The following PLEKHG5 variants were observed in gnomAD, a reference collection of about 807,000 sequenced individuals.
PLEKHG5 encodes pleckstrin homology and RhoGEF domain containing G5.
PLEKHG5 carries 52 observed loss-of-function variants against 103.8 expected under a neutral mutation model. The ratio of observed to expected loss-of-function variants is 0.50; its 90% CI spans 0.40 to 0.63. The LOEUF (loss-of-function observed/expected upper bound fraction) is 0.63. Ranked by LOEUF, PLEKHG5 falls within the 30% of genes least tolerant of loss-of-function variation. PLEKHG5 has a pLI of 0.00. For missense variants in PLEKHG5, 1,205 were observed against 1,347.6 expected (o/e 0.89, Z 1.66); for synonymous variants, 592 against 575.5 (o/e 1.03, Z -0.41).
At chr1:6,470,946 G>T in intron 13 of PLEKHG5, 44 bp downstream of exon 13, 1 of 1,553,416 alleles carries the variant, frequency 6.4e-7, no homozygotes. Context: ...CCCGTCCAGG[G>T]TCCCGTCCTC....
intron 1 of PLEKHG5, chr1:6,519,416 T>C (rs1449633045): frequency 6.3e-7 from 1 of 1,579,980 alleles, no homozygotes. Context: ...ACCTCCTTTC[T>C]AGACAAAAGA....
At chr1:6,471,381 G>T in intron 12 of PLEKHG5, 107 bp downstream of exon 12, 1 of 1,302,154 alleles carries the variant, frequency 7.7e-7, no homozygotes, top group Non-Finnish European at 1.1e-6. Context: ...GCGGTTACGG[G>T]CCTGGGGGAG....
rs1170932691 is a variant in PLEKHG5 at position 6,486,266 on chromosome 1, T to A, written c.-88+5371A>T. Among the ~76,000 whole-genome samples the A allele has an allele frequency of 6.6e-6, 1 of 152,052 alleles. No individual in the cohort carries two copies. The highest frequency in any genetic ancestry group is 1.5e-5 in the Non-Finnish European group (1 of 67,974). On this transcript the variant is annotated intron_variant, in intron 1 of 20. Transcript: ENST00000377728. This position sits in a 1 kb window ranked among gnomAD's most constrained non-coding sequence, Gnocchi z 5.3. ...TGGGGCACACTCCCCTCAGGGTCCT[T>A]GGTCCGGCTCTCCATCTAGCCCCAG... is the stretch of plus-strand genomic sequence containing the variant.
Position 6,469,560 on chromosome 1 carries a change from C to A in PLEKHG5, c.1917G>T (p.Arg639=), listed in dbSNP as rs1214844188. The A allele has an allele frequency of 6.2e-7, 1 of 1,613,856 alleles. No homozygotes were observed. Among genetic ancestry groups the A allele is most frequent in the Non-Finnish European group, 8.5e-7 (1 of 1,180,050 alleles). The part of the protein sequence containing the change: ...PPLLVDKIVC[R]ELRDPGSFLL... ...GCTCCTTACCAGGGTCCCGTAGCTCCCGGCACACAATCTTGTCCACGAGCA... is the reference window on the plus strand; with the variant it reads ...GCTCCTTACCAGGGTCCCGTAGCTCACGGCACACAATCTTGTCCACGAGCA... Residue 639 remains arginine, a synonymous_variant, in exon 17 of 21, where the codon CGG becomes CGT. Coordinates refer to ENST00000377728, the MANE Select transcript of PLEKHG5 (RefSeq NM_020631.6).
At chr1:6,491,822 C>T (rs1645154909), upstream of PLEKHG5, 1 of 281,476 alleles carries the variant, frequency 3.6e-6, no homozygotes, top group African/African-American at 2.3e-5. This position sits in a 1 kb window ranked among gnomAD's most constrained non-coding sequence, Gnocchi z 4.1. Flanking sequence ...CTGCAATCCC[C>T]TCTACGCTTC....
At chr1:6,474,772 C>G (rs1644710158) in intron 5 of PLEKHG5, 185 bp from the exon 6 acceptor site, 1 of 685,256 alleles carries the variant, frequency 1.5e-6, no homozygotes, top group Non-Finnish European at 2.6e-6. Context: ...GGTGCTCACA[C>G]AGGCGCATCT....
chr1:6,468,475 G>A lies in PLEKHG5; in HGVS notation c.2361C>T (p.Thr787=), dbSNP rs201054338. 4.0e-5 allele frequency: 64 copies of A among 1,613,054 alleles called. No individual in the cohort carries two copies. The highest frequency in any genetic ancestry group is 5.1e-5 in the Non-Finnish European group (60 of 1,179,938). The change falls in exon 20 of 21, where the codon ACC becomes ACT. Residue 787 remains threonine (T), a synonymous_variant. Transcript: ENST00000377728. ...SGPFSSQSDE[T]SLSTTASSAT... Reference sequence around the variant, plus strand: ...CAGATGAGGCAGTGGTGCTGAGAGAGGTCTCATCAGACTGGGAGCTGAAAG... The same window carrying A: ...CAGATGAGGCAGTGGTGCTGAGAGAAGTCTCATCAGACTGGGAGCTGAAAG...
At chr1:6,503,501 G>A (rs1185755299) in intron 1 of PLEKHG5, among the ~76,000 whole-genome samples, 30 of 149,652 alleles carry the variant, frequency 2.0e-4, no homozygotes, top group African/African-American at 6.4e-4. Flanking sequence ...TCTGCCTCCC[G>A]GGTTCAAGTG....
At chr1:6,467,696 G>A (rs1283921843) in intron 20 of PLEKHG5, 124 bp from the exon 21 acceptor site, 15 of 1,457,186 alleles carry the variant, frequency 1.0e-5, no homozygotes, top group Admixed American at 3.4e-5. Flanking sequence ...AGCCCCCTGC[G>A]CCCAGACACT....
Position 6,511,358 on chromosome 1 carries a change from C to T in PLEKHG5, c.-165+8087G>A, listed in dbSNP as rs557648620. Among the ~76,000 whole-genome samples, 265 of 152,290 alleles carry T rather than the reference C, an allele frequency of 1.7e-3. 3 individuals are homozygous for T. The highest frequency in any genetic ancestry group is 6.0e-3 in the African/African-American group (251 of 41,562). On this transcript the variant is annotated intron_variant, in intron 1 of 21. Transcript: ENST00000377740. The stretch of plus-strand genomic sequence containing the variant: ...AGAGGACAGGCACCACCAACAAGGA[C>T]GGTCACTGACTCCTCCAGCCTGGGT...
chr1:6,471,855 G>A (rs751322602), intron 10 of PLEKHG5, 47 bp from the exon 11 acceptor site: 2 of 1,546,542 alleles, frequency 1.3e-6, no homozygotes, highest in South Asian at 2.4e-5. Context: ...GGCTGTCTCA[G>A]CCCTAGGGCC....
rs1464358180 is a variant in PLEKHG5 at position 6,470,627 on chromosome 1, C to A, written c.1559G>T (p.Arg520Leu). The change falls in exon 15 of 21, where the codon CGC (arginine) becomes CTC (leucine). Residue 520 changes from arginine to leucine, a missense_variant. Physicochemically the swap from Arg to Leu is moderately radical, Grantham distance 102. Coordinates refer to ENST00000377728, the MANE Select transcript of PLEKHG5 (RefSeq NM_020631.6). ...GCACGCGTTCACGTGGTGGATGAAG[C>A]GCTCCACGGAGCCGATCTAGGGGCA... The part of the protein sequence containing the change: ...AVVAMIGSVE[R>L]FIHHVNACMR... 1 of 1,582,638 alleles carries A rather than the reference C, an allele frequency of 6.3e-7. No individual in the cohort carries two copies. Among genetic ancestry groups the A allele is most frequent in the Non-Finnish European group, 8.5e-7 (1 of 1,170,098 alleles).
chr1:6,511,180 T>G (rs1237039451), intron 1 of PLEKHG5, among the ~76,000 whole-genome samples: 1 of 152,022 alleles, frequency 6.6e-6, no homozygotes, highest in African/African-American at 2.4e-5. Flanking sequence ...AAGATGCTGG[T>G]GGAAACCTGG....
rs761251191 is a variant in PLEKHG5, at chr1:6,470,616, G to A, written c.1570C>T (p.His524Tyr). Residue 524 changes from histidine (H) to tyrosine (Y), a missense_variant, in exon 15 of 21, where the codon CAC (histidine) becomes TAC (tyrosine). Coordinates refer to ENST00000377728, the MANE Select transcript of PLEKHG5 (RefSeq NM_020631.6). ...MIGSVERFIH[H>Y]VNACMRQRQE... is the part of the protein sequence containing the mutation. ...CGCTGCCGCATGCACGCGTTCACGT[G>A]GTGGATGAAGCGCTCCACGGAGCCG... 1 of 1,591,542 alleles carries A rather than the reference G, an allele frequency of 6.3e-7. No individual in the cohort carries two copies. The highest frequency in any genetic ancestry group is 8.5e-7 in the Non-Finnish European group (1 of 1,174,254).
chr1:6,498,714 C>A (rs1337390881), upstream of PLEKHG5, among the ~76,000 whole-genome samples: 1 of 152,206 alleles, frequency 6.6e-6, no homozygotes. Context: ...GGCCCTGGGC[C>A]TCCTCAGTGC....
At chr1:6,474,659 C>A in intron 5 of PLEKHG5, 72 bp from the exon 6 acceptor site, 2 of 1,420,050 alleles carry the variant, frequency 1.4e-6, no homozygotes, top group South Asian at 2.5e-5. Context: ...CCCGCCCCCA[C>A]GAGCCCCCGC....
chr1:6,502,063 G>A (rs1420297578), intron 1 of PLEKHG5, among the ~76,000 whole-genome samples: 4 of 152,374 alleles, frequency 2.6e-5, no homozygotes, highest in African/African-American at 4.8e-5. Context: ...CCTGGGCGCC[G>A]GTCCATGCCT....
chr1:6,477,496 G>A (rs756161576), intron 2 of PLEKHG5, 33 bp downstream of exon 2: 19 of 1,605,602 alleles, frequency 1.2e-5, no homozygotes, highest in Non-Finnish European at 1.5e-5. Flanking sequence ...CAGGAGCTCT[G>A]GGGGCCGAGC....
intron 1 of PLEKHG5, among the ~76,000 whole-genome samples, chr1:6,483,373 G>T (rs1644947727): frequency 6.6e-6 from 1 of 152,148 alleles, no homozygotes; most frequent in South Asian, 2.1e-4. Flanking sequence ...GTGCTTGTGG[G>T]GCTTGAAGTG....
Sources: gnomAD v4.1 joint callset for allele counts (sites outside exome capture counted in the v4.1 genomes callset) on GRCh38, gnomAD v4.1.1 for gene constraint, Gnocchi (gnomAD v3.1) non-coding constraint, MANE v1.5 for transcripts, NCBI Gene and HGNC (gene_info 2026-07-23, HGNC 2026-07-21) for gene names.